UGGT2: variants seen among roughly 807,000 people sequenced by gnomAD.
The protein encoded by UGGT2 is UDP-glucose glycoprotein glucosyltransferase 2.
A neutral mutation model predicts 192.1 loss-of-function variants in UGGT2; 180 were observed. The observed-to-expected ratio is 0.94, with a 90% confidence interval of 0.83 to 1.06. UGGT2 has a LOEUF of 1.06. Ranked by LOEUF, UGGT2 falls within the 50% of genes least tolerant of loss-of-function variation. The pLI is 0.00. For missense variants in UGGT2, 1,849 were observed against 1,795.7 expected, an observed-to-expected ratio of 1.03 and a Z score of -0.54; for synonymous variants, 580 against 591.0, an observed-to-expected ratio of 0.98 and a Z score of 0.27.
chr13:95,946,545 T>A (rs1490578640), intron 15 of UGGT2, among the ~76,000 whole-genome samples: 1 of 152,096 alleles, frequency 6.6e-6, no homozygotes, highest in Non-Finnish European at 1.5e-5. Context: ...TTTTTATTTT[T>A]TTTTTGGTAG....
chr13:95,903,442 A>T (rs2048171257), intron 20 of UGGT2, among the ~76,000 whole-genome samples: 1 of 152,158 alleles, frequency 6.6e-6, no homozygotes, highest in Non-Finnish European at 1.5e-5. Context: ...TCTGTCAATT[A>T]CCACACCCTC....
intron 2 of UGGT2, among the ~76,000 whole-genome samples, chr13:96,024,489 C>T (rs2052606044): frequency 6.6e-6 from 1 of 152,198 alleles, no homozygotes; most frequent in South Asian, 2.1e-4. Context: ...GTGGGCAGAA[C>T]TTTCTGTCTG....
intron 20 of UGGT2, among the ~76,000 whole-genome samples, chr13:95,913,699 C>G (rs1293232037): frequency 6.6e-6 from 1 of 152,118 alleles, no homozygotes; most frequent in Non-Finnish European, 1.5e-5. Flanking sequence ...AGGATCTAAA[C>G]TAGAATTAAT....
chr13:96,048,042 AG>A, intron 1 of UGGT2, among the ~76,000 whole-genome samples: 1 of 152,338 alleles, frequency 6.6e-6, no homozygotes, highest in East Asian at 1.9e-4. Context: ...CGTTCTTCTC[AG>A]CACCACACCG....
At chr13:95,959,019 CCT>C (rs1426835144) in intron 12 of UGGT2, among the ~76,000 whole-genome samples, 1 of 152,208 alleles carries the variant, frequency 6.6e-6, no homozygotes, top group Non-Finnish European at 1.5e-5. Context: ...CCCACAAACC[CCT>C]GAGTCCTAAG....
chr13:95,803,268 T>C (rs533052050), intron 38 of UGGT2, among the ~76,000 whole-genome samples: 1 of 152,182 alleles, frequency 6.6e-6, no homozygotes, highest in Admixed American at 6.5e-5. Flanking sequence ...TTTATTTATT[T>C]ATTTTTTTGG....
intron 10 of UGGT2, among the ~76,000 whole-genome samples, chr13:95,980,988 A>T (rs2051105227): frequency 6.6e-6 from 1 of 151,914 alleles, no homozygotes; most frequent in Admixed American, 6.6e-5. Context: ...ACAGAGCAAG[A>T]CTCCATCTCA....
intron 32 of UGGT2, 83 bp downstream of exon 32, chr13:95,860,705 G>C (rs1231093845): frequency 1.2e-6 from 1 of 809,338 alleles, no homozygotes; most frequent in African/African-American, 1.8e-5. Flanking sequence ...TTTTTTCCCA[G>C]TGTATATTCC....
chr13:95,931,001 GTTGCCACGGCTGGCTTGGGC>G (rs564681840), intron 17 of UGGT2, among the ~76,000 whole-genome samples: 7 of 152,276 alleles, frequency 4.6e-5, no homozygotes, highest in African/African-American at 1.7e-4. Flanking sequence ...ACCCAAGCGG[GTTGCCACGGCTGGCTTGGGC>G]AGCCTGCTTT....
chr13:95,869,803 G>A (rs1256194857), intron 29 of UGGT2, among the ~76,000 whole-genome samples: 4 of 152,074 alleles, frequency 2.6e-5, no homozygotes, highest in Admixed American at 2.6e-4. Context: ...AGAAAAAAGG[G>A]AAGCATTCAA....
At chr13:95,993,970 G>A (rs1012583976) in intron 7 of UGGT2, among the ~76,000 whole-genome samples, 4 of 151,988 alleles carry the variant, frequency 2.6e-5, no homozygotes, top group Non-Finnish European at 5.9e-5. Flanking sequence ...GAAAAAAAGG[G>A]GGGGGTATAA....
chr13:95,983,912 A>G, intron 9 of UGGT2, 48 bp from the exon 10 acceptor site: 1 of 1,335,642 alleles, frequency 7.5e-7, no homozygotes, highest in Non-Finnish European at 1.0e-6. Context: ...AAATGTTTAG[A>G]ACTGATCTAT....
At chr13:95,860,305 T>TTA (rs1002914413) in intron 32 of UGGT2, among the ~76,000 whole-genome samples, 9 of 148,790 alleles carry the variant, frequency 6.0e-5, no homozygotes, top group African/African-American at 1.2e-4. Flanking sequence ...CTATAGTAAA[T>TTA]TATATATATA....
intron 17 of UGGT2, among the ~76,000 whole-genome samples, chr13:95,928,160 T>C (rs529474489): frequency 6.6e-6 from 1 of 152,318 alleles, no homozygotes; most frequent in African/African-American, 2.4e-5. Flanking sequence ...TCATGGCCCG[T>C]TCTCAATGAG....
At chr13:95,840,128 G>A (rs1178005326) in intron 36 of UGGT2, among the ~76,000 whole-genome samples, 1 of 152,132 alleles carries the variant, frequency 6.6e-6, no homozygotes, top group African/African-American at 2.4e-5. Flanking sequence ...TCAGGACACA[G>A]GCATGGGCAA....
intron 20 of UGGT2, among the ~76,000 whole-genome samples, chr13:95,911,095 G>C (rs2048479278): frequency 6.6e-6 from 1 of 152,218 alleles, no homozygotes. Flanking sequence ...GCAGTGTGTA[G>C]AGGGAAATTT....
intron 36 of UGGT2, among the ~76,000 whole-genome samples, chr13:95,847,049 T>C (rs558007306): frequency 2.8e-5 from 2 of 71,764 alleles, no homozygotes; most frequent in Non-Finnish European, 8.3e-5. Context: ...CATCTTTCTT[T>C]TCTTTTCTTT....
At chr13:95,986,268 T>G (rs1357325517) in intron 9 of UGGT2, 65 bp downstream of exon 9, 1 of 1,157,444 alleles carries the variant, frequency 8.6e-7, no homozygotes, top group Non-Finnish European at 1.3e-6. Context: ...AAATCAGCTA[T>G]TTTCATAAAA....
intron 38 of UGGT2, among the ~76,000 whole-genome samples, chr13:95,831,695 C>T (rs542074351): frequency 2.6e-5 from 4 of 152,038 alleles, no homozygotes; most frequent in South Asian, 2.1e-4. Context: ...AGCTACTATA[C>T]GTTTACTTGT....
Sources: gnomAD v4.1 joint callset for allele counts (sites outside exome capture counted in the v4.1 genomes callset) on GRCh38, gnomAD v4.1.1 for gene constraint, MANE v1.5 for transcripts, NCBI Gene and HGNC (gene_info 2026-07-23, HGNC 2026-07-21) for gene names.